TPRG1: variants seen among roughly 807,000 people sequenced by gnomAD.
The protein encoded by TPRG1 is tumor protein p63 regulated 1.
In TPRG1, 29 loss-of-function variants were observed where a neutral mutation model predicts 29.3. The observed-to-expected ratio is 0.99, with a 90% CI of 0.74 to 1.35. The LOEUF (loss-of-function observed/expected upper bound fraction) is 1.35. Ranked by LOEUF, TPRG1 falls within the 40% of genes most tolerant of loss-of-function variation. The pLI is 0.00. For synonymous variants in TPRG1, 130 were observed against 116.8 expected, an observed-to-expected ratio of 1.11 and a Z score of -0.73; for missense variants, 327 against 335.0, an observed-to-expected ratio of 0.98 and a Z score of 0.19.
At chr3:189,202,795 C>T (rs1055526703) in intron 1 of TPRG1, among the ~76,000 whole-genome samples, 8 of 152,098 alleles carry the variant, frequency 5.3e-5, no homozygotes, top group African/African-American at 7.2e-5. Context: ...TGCTGATGCA[C>T]GGGAAGCTGG....
At chr3:189,287,648 C>T (rs1423542439) in intron 4 of TPRG1, among the ~76,000 whole-genome samples, 3 of 152,136 alleles carry the variant, frequency 2.0e-5, no homozygotes, top group Middle Eastern at 6.3e-3. Flanking sequence ...CTGCCCGCCT[C>T]AGCCTCCCAA....
At chr3:189,128,013 G>T (rs1036659817) in intron 2 of TPRG1, among the ~76,000 whole-genome samples, 2 of 152,158 alleles carry the variant, frequency 1.3e-5, no homozygotes, top group East Asian at 3.8e-4. Context: ...CCATCTTATA[G>T]GTTGTTGCTG....
intron 4 of TPRG1, among the ~76,000 whole-genome samples, chr3:189,245,414 T>C (rs1195017758): frequency 1.3e-5 from 2 of 152,182 alleles, no homozygotes; most frequent in African/African-American, 4.8e-5. Context: ...GTGTCTATTA[T>C]CATTTAGAGA....
chr3:189,195,879 C>T (rs995481333), intron 1 of TPRG1, among the ~76,000 whole-genome samples: 1 of 152,178 alleles, frequency 6.6e-6, no homozygotes, highest in Non-Finnish European at 1.5e-5. Context: ...TCTGTGTTTA[C>T]CAGGGTTTCT....
upstream of TPRG1, among the ~76,000 whole-genome samples, chr3:189,169,526 G>T (rs993669847): frequency 2.0e-5 from 3 of 152,170 alleles, no homozygotes; most frequent in African/African-American, 7.2e-5. Context: ...ATCTCTGAAG[G>T]CCAATCTGGT....
chr3:189,190,703 G>A (rs1731563702), intron 1 of TPRG1, among the ~76,000 whole-genome samples: 1 of 152,132 alleles, frequency 6.6e-6, no homozygotes, highest in Admixed American at 6.6e-5. Flanking sequence ...TGTAGAGTAA[G>A]CAGGCCTGGC....
intron 4 of TPRG1, among the ~76,000 whole-genome samples, chr3:189,257,824 G>T (rs1336870287): frequency 1.3e-5 from 2 of 152,052 alleles, no homozygotes; most frequent in African/African-American, 4.8e-5. Flanking sequence ...GCTTCACAAG[G>T]TTCTCGTGCT....
intron 5 of TPRG1, among the ~76,000 whole-genome samples, chr3:189,153,033 A>G (rs3905669): frequency 0.25 from 38,336 of 152,166 alleles, 5,984 homozygotes; most frequent in African/African-American, 0.45. Flanking sequence ...GAGGAAAGAT[A>G]TCAGACAAAG....
intron 3 of TPRG1, among the ~76,000 whole-genome samples, chr3:189,146,609 A>C (rs1027436585): frequency 6.6e-6 from 1 of 152,134 alleles, no homozygotes; most frequent in Non-Finnish European, 1.5e-5. Flanking sequence ...CCCATATTAT[A>C]ATTGCTGTGG....
At chr3:189,032,154 G>A (rs1418253300) in intron 4 of TPRG1, among the ~76,000 whole-genome samples, 3 of 152,292 alleles carry the variant, frequency 2.0e-5, no homozygotes, top group African/African-American at 7.2e-5. Flanking sequence ...CAATTTGAGT[G>A]GGCGCCATGT....
intron 4 of TPRG1, among the ~76,000 whole-genome samples, chr3:189,308,016 G>A (rs1006312979): frequency 1.3e-5 from 2 of 152,142 alleles, no homozygotes; most frequent in Admixed American, 6.6e-5. Context: ...ACTGCTTATG[G>A]ATGTTGTATG....
chr3:189,027,969 T>C (rs1331005098), intron 4 of TPRG1, among the ~76,000 whole-genome samples: 3 of 152,156 alleles, frequency 2.0e-5, no homozygotes, highest in African/African-American at 4.8e-5. Flanking sequence ...TTTCATCAAG[T>C]ATTTACTATT....
At chr3:189,282,034 C>T (rs1035470769) in intron 4 of TPRG1, among the ~76,000 whole-genome samples, 1 of 152,006 alleles carries the variant, frequency 6.6e-6, no homozygotes, top group Non-Finnish European at 1.5e-5. Flanking sequence ...GCACCCACCA[C>T]CACGCTTGTC....
At chr3:189,162,952 A>C (rs1727674606) in intron 5 of TPRG1, among the ~76,000 whole-genome samples, 1 of 152,238 alleles carries the variant, frequency 6.6e-6, no homozygotes, top group African/African-American at 2.4e-5. Flanking sequence ...AATTAGAAAT[A>C]AATTTAAAAC....
chr3:189,248,973 A>G (rs1328556344), intron 4 of TPRG1, among the ~76,000 whole-genome samples: 2 of 151,414 alleles, frequency 1.3e-5, no homozygotes, highest in Admixed American at 1.3e-4. Context: ...TATCATACAT[A>G]CAGAGTTCTA....
chr3:189,156,678 T>G (rs908347237), intron 5 of TPRG1, among the ~76,000 whole-genome samples: 2 of 152,352 alleles, frequency 1.3e-5, no homozygotes, highest in South Asian at 4.1e-4. Context: ...CAGATGAGTA[T>G]GTCCACTGTC....
At chr3:189,022,796 C>A (rs551666603) in intron 3 of TPRG1, among the ~76,000 whole-genome samples, 67 of 152,298 alleles carry the variant, frequency 4.4e-4, no homozygotes, top group African/African-American at 1.5e-3. Context: ...CCTAATCAAG[C>A]CGGGGCAATG....
At chr3:189,214,453 A>AATCCT (rs2108834675) in intron 2 of TPRG1, among the ~76,000 whole-genome samples, 1 of 151,756 alleles carries the variant, frequency 6.6e-6, no homozygotes, top group African/African-American at 2.4e-5. Context: ...ATTGTCATAG[A>AATCCT]ATCCTAGGCA....
intron 5 of TPRG1, among the ~76,000 whole-genome samples, chr3:189,319,733 C>T (rs1371360412): frequency 6.6e-6 from 1 of 152,094 alleles, no homozygotes; most frequent in African/African-American, 2.4e-5. Flanking sequence ...CAGCATACAA[C>T]ATTGAACTCC....
Sources: gnomAD v4.1 joint callset for allele counts (sites outside exome capture counted in the v4.1 genomes callset) on GRCh38, gnomAD v4.1.1 for gene constraint, MANE v1.5 for transcripts, NCBI Gene and HGNC (gene_info 2026-07-23, HGNC 2026-07-21) for gene names.